Variants in GPLD1 observed in about 807,000 individuals in gnomAD.
GPLD1 encodes the protein phosphatidylinositol-glycan-specific phospholipase D.
A neutral mutation model predicts 112.6 loss-of-function variants in GPLD1; 84 were observed. The observed-to-expected ratio is 0.75, with a 90% CI of 0.63 to 0.89. The LOEUF is 0.89. GPLD1 is among the 40% of genes least tolerant of loss of function. The pLI is 0.00. For synonymous variants in GPLD1, 386 were observed against 403.8 expected, an observed-to-expected ratio of 0.96 and a Z score of 0.53; for missense variants, 1,044 against 1,051.5, an observed-to-expected ratio of 0.99 and a Z score of 0.10.
rs376341549 is a variant in GPLD1, at chr6:24,456,524, C to G, written c.1122G>C (p.Leu374Phe). ...HVSSPLASYF[L>F]SFPYARLGWA... ...AGCCAAGCCTCGCATAAGGAAATGACAAGAAGTAAGATGCTAAGGGGCTGG... is the reference window on the plus strand; with the variant it reads ...AGCCAAGCCTCGCATAAGGAAATGAGAAGAAGTAAGATGCTAAGGGGCTGG... The change falls in exon 13 of 25, where the codon TTG (leucine) becomes TTC (phenylalanine). Residue 374 changes from leucine (L) to phenylalanine (F), a missense_variant. Coordinates refer to ENST00000230036, the MANE Select transcript of GPLD1 (RefSeq NM_001503.4). The G allele has an allele frequency of 6.2e-7, 1 of 1,610,048 alleles. No homozygotes were observed. The highest frequency in any genetic ancestry group is 8.5e-7 in the Non-Finnish European group (1 of 1,177,374).
intron 2 of GPLD1, among the ~76,000 whole-genome samples, chr6:24,483,765 G>A (rs1399681337): frequency 1.3e-5 from 2 of 151,934 alleles, no homozygotes; most frequent in Non-Finnish European, 2.9e-5. Context: ...GTGAACTTAT[G>A]GAGAGTCTCG....
rs769546603 is a variant in GPLD1 at position 24,448,014 on chromosome 6, C to A, written c.1541G>T (p.Gly514Val). Residue 514 changes from glycine to valine, a missense_variant, in exon 17 of 25, where the codon GGC becomes GTC. By Grantham distance (109) the Gly-to-Val change is moderately radical. Transcript: ENST00000230036. ...ISCQDIYCNL[G>V]WTLLAADVNG... ...CACATCTGCAGCCAAGAGAGTCCAG[C>A]CCAAGTTACAGTAGATGTCCTTAAG... is the stretch of plus-strand genomic sequence containing the variant. The A allele has an allele frequency of 1.2e-5, 20 of 1,613,448 alleles. No homozygotes were observed. Among genetic ancestry groups the A allele is most frequent in the Non-Finnish European group, 1.7e-5 (20 of 1,179,934 alleles).
chr6:24,454,777 A>T (rs1763214793), intron 13 of GPLD1, among the ~76,000 whole-genome samples: 1 of 152,250 alleles, frequency 6.6e-6, no homozygotes, highest in African/African-American at 2.4e-5. Flanking sequence ...AAGTGTCACT[A>T]CAGGGGCTGG....
At position 24,476,269 on chromosome 6, in the gene GPLD1, T is replaced by G; in HGVS notation, c.242A>C (p.His81Pro). 2 of 1,537,370 alleles carry G rather than the reference T, an allele frequency of 1.3e-6. No individual in the cohort carries two copies. The highest frequency in any genetic ancestry group is 1.8e-6 in the Non-Finnish European group (2 of 1,126,798). The change falls in exon 4 of 25, where the codon CAT becomes CCT. Residue 81 changes from histidine (H) to proline (P), a missense_variant. Transcript: ENST00000230036. ...CCAGTGAGTGCTCTCAGACACATCA[T>G]GGAATTTTCCTGACAAAACAAAAGC... ...YPSICKGGKF[H>P]DVSESTHWTP...
upstream of GPLD1, among the ~76,000 whole-genome samples, chr6:24,491,667 C>T (rs991093778): frequency 2.0e-5 from 3 of 151,776 alleles, no homozygotes; most frequent in Non-Finnish European, 4.4e-5. Context: ...GAGATCACAC[C>T]ACTGCACTCC....
At position 24,494,932 on chromosome 6, in the gene GPLD1, G is replaced by A. The variant is rs1764654073; in HGVS notation, n.239+35C>T. The A allele has an allele frequency of 3.2e-6, 4 of 1,263,730 alleles. No homozygotes were observed. In the South Asian group the frequency reaches 1.1e-4, roughly 33 times the overall value. The allele number at this position is 1,263,730 out of a possible 1,614,324, so 78.3% of individuals were successfully genotyped here. The stretch of plus-strand genomic sequence containing the variant: ...CTCCTCGCTCCTCTTGCTTCCCCGC[G>A]ACCCCTGCGTTCCCGTGCGCGCGCG... On this transcript the variant is annotated intron_variant and non_coding_transcript_variant, in intron 1 of 10. Transcript: ENST00000474784.
intron 19 of GPLD1, 30 bp downstream of exon 19, chr6:24,445,696 A>T: frequency 3.7e-6 from 6 of 1,600,866 alleles, no homozygotes; most frequent in Non-Finnish European, 5.1e-6. Context: ...TGGAGTGTCC[A>T]CTCTCCTGTG....
At chr6:24,436,816 A>C in intron 21 of GPLD1, 80 bp from the exon 22 acceptor site, 1 of 1,369,980 alleles carries the variant, frequency 7.3e-7, no homozygotes, top group Non-Finnish European at 1.0e-6. Context: ...CTGGATCCTA[A>C]CCCAACCTCT....
intron 12 of GPLD1, among the ~76,000 whole-genome samples, 177 bp downstream of exon 12, chr6:24,460,102 T>G (rs1027846823): frequency 3.3e-5 from 5 of 152,174 alleles, no homozygotes; most frequent in Admixed American, 3.3e-4. Context: ...CTTGCTATGT[T>G]GCCCAGACAG....
At chr6:24,446,531 GAC>G (rs1201589663) in intron 18 of GPLD1, among the ~76,000 whole-genome samples, 4 of 152,088 alleles carry the variant, frequency 2.6e-5, no homozygotes, top group Non-Finnish European at 5.9e-5. Context: ...ATGGGGCACA[GAC>G]ACACAGAGAG....
chr6:24,456,725 T>G (rs949638870), intron 12 of GPLD1, 88 bp from the exon 13 acceptor site: 4 of 846,546 alleles, frequency 4.7e-6, no homozygotes, highest in Non-Finnish European at 7.3e-6. Flanking sequence ...TGGACTTGTG[T>G]AAAGGAAATG....
chr6:24,450,991 G>GAATAAATA lies in GPLD1; in HGVS notation c.1336-1100_1336-1093dup, dbSNP rs71754620. ...CCATCTCAAAACAAACACACAAACA[G>GAATAAATA]AATAAATAAATAAATAAATAAAAAT... On this transcript the variant is annotated intron_variant, in intron 14 of 24. Transcript: ENST00000230036. Among the ~76,000 whole-genome samples, 4 of 151,948 alleles carry GAATAAATA rather than the reference G, an allele frequency of 2.6e-5. No individual in the cohort carries two copies. The East Asian group carries it at 7.7e-4, about 29-fold the overall frequency.
chr6:24,430,392 A>C (rs793685), intron 24 of GPLD1, among the ~76,000 whole-genome samples: 151,128 of 152,314 alleles, frequency 0.99, 74,986 homozygotes, highest in Middle Eastern at 1. Context: ...CATACACCAA[A>C]CTGGATGGTC....
chr6:24,429,885 G>A (rs74293233), intron 24 of GPLD1, among the ~76,000 whole-genome samples: 18,240 of 152,120 alleles, frequency 0.12, 1,436 homozygotes, highest in East Asian at 0.16. Flanking sequence ...TTCATACTCC[G>A]AGGTCGGATT....
At chr6:24,445,335 G>T (rs1326841625) in intron 20 of GPLD1, among the ~76,000 whole-genome samples, 3 of 152,092 alleles carry the variant, frequency 2.0e-5, no homozygotes, top group African/African-American at 7.2e-5. Flanking sequence ...CCTGAAATAG[G>T]TATTTACAAT....
intron 13 of GPLD1, among the ~76,000 whole-genome samples, chr6:24,455,965 A>C (rs1223035512): frequency 6.6e-6 from 1 of 152,178 alleles, no homozygotes; most frequent in African/African-American, 2.4e-5. Context: ...GCTTGAGCCC[A>C]GGAGTTTGAG....
chr6:24,446,298 C>T (rs776826943), intron 18 of GPLD1, among the ~76,000 whole-genome samples: 18 of 151,596 alleles, frequency 1.2e-4, no homozygotes, highest in Non-Finnish European at 2.1e-4. Flanking sequence ...CAGTTTGAGA[C>T]GAGCCTGGGC....
intron 7 of GPLD1, among the ~76,000 whole-genome samples, chr6:24,472,046 A>G (rs1033432031): frequency 6.6e-6 from 1 of 152,274 alleles, no homozygotes; most frequent in Non-Finnish European, 1.5e-5. Context: ...ACTAAGTGAC[A>G]AACTGACAAG....
chr6:24,463,411 T>C (rs773483572), intron 10 of GPLD1, among the ~76,000 whole-genome samples: 13 of 152,076 alleles, frequency 8.5e-5, no homozygotes, highest in East Asian at 3.8e-4. Flanking sequence ...GAGGCTGGGG[T>C]AATACAAAAG....
Sources: allele counts gnomAD v4.1 joint callset (sites outside exome capture counted in the v4.1 genomes callset), GRCh38; gene constraint gnomAD v4.1.1; transcripts MANE v1.5; gene names NCBI Gene and HGNC (gene_info 2026-07-23, HGNC 2026-07-21).